The following KATNAL1 variants were observed in gnomAD, a reference collection of about 807,000 sequenced individuals.
KATNAL1 encodes katanin p60 ATPase-containing subunit A-like 1.
KATNAL1 carries 32 observed loss-of-function variants against 55.2 expected under a neutral mutation model. The observed-to-expected ratio is 0.58, with a 90% CI of 0.44 to 0.78. The LOEUF is 0.78. Among genes scored for constraint, KATNAL1 ranks in the 30% least tolerant of loss-of-function variants. The probability of loss-of-function intolerance (pLI) is 0.00; values close to 1 mark genes in which losing one functional copy is unlikely to be tolerated. For missense variants in KATNAL1, 466 were observed against 600.9 expected (o/e 0.78, Z 2.35); for synonymous variants, 193 against 193.6 (o/e 1.00, Z 0.02).
At chr13:30,250,830 C>A (rs948080624) in intron 4 of KATNAL1, among the ~76,000 whole-genome samples, 1 of 152,090 alleles carries the variant, frequency 6.6e-6, no homozygotes, top group Non-Finnish European at 1.5e-5. Context: ...GTTAATTAAC[C>A]ATAAAACTAT....
intron 9 of KATNAL1, among the ~76,000 whole-genome samples, chr13:30,221,973 C>T (rs944502256): frequency 4.6e-5 from 7 of 152,170 alleles, no homozygotes; most frequent in South Asian, 2.1e-4. Flanking sequence ...ATCCCTTGAA[C>T]CCAGGAGGCG....
At chr13:30,274,097 AT>A (rs1245522924) in intron 3 of KATNAL1, among the ~76,000 whole-genome samples, 2 of 152,292 alleles carry the variant, frequency 1.3e-5, no homozygotes, top group Admixed American at 1.3e-4. Flanking sequence ...TTCAATATAC[AT>A]TTTACAGAAA....
At chr13:30,210,270 G>A (rs368277485) in intron 10 of KATNAL1, 46 bp downstream of exon 10, 25 of 1,502,536 alleles carry the variant, frequency 1.7e-5, no homozygotes, top group East Asian at 2.5e-5. Flanking sequence ...GTCCTCCTGC[G>A]AAGTCTATAA....
intron 6 of KATNAL1, among the ~76,000 whole-genome samples, chr13:30,238,877 G>T (rs1039536074): frequency 6.6e-6 from 1 of 152,090 alleles, no homozygotes; most frequent in Admixed American, 6.5e-5. Flanking sequence ...AAAGTGTGCC[G>T]CAGAAAGGCA....
intron 3 of KATNAL1, among the ~76,000 whole-genome samples, chr13:30,261,398 G>A (rs1472887140): frequency 2.0e-5 from 3 of 152,054 alleles, no homozygotes; most frequent in Non-Finnish European, 4.4e-5. Flanking sequence ...TGGACTAAAT[G>A]CTCCAGTTAA....
chr13:30,283,085 T>C (rs1194227198), intron 2 of KATNAL1, among the ~76,000 whole-genome samples: 1 of 150,966 alleles, frequency 6.6e-6, no homozygotes, highest in Non-Finnish European at 1.5e-5. Flanking sequence ...CTGGCCAACA[T>C]GGTGAAACCC....
chr13:30,262,055 T>C (rs1879338179), intron 3 of KATNAL1, among the ~76,000 whole-genome samples: 1 of 151,948 alleles, frequency 6.6e-6, no homozygotes, highest in South Asian at 2.1e-4. Context: ...GAACTCAGGA[T>C]TAAGAATCTC....
At chr13:30,222,998 G>C (rs1041144208) in intron 9 of KATNAL1, among the ~76,000 whole-genome samples, 1 of 151,678 alleles carries the variant, frequency 6.6e-6, no homozygotes, top group African/African-American at 2.4e-5. Flanking sequence ...AGGAGGCTGA[G>C]GCAGCAGAAT....
At chr13:30,269,275 G>A (rs973013990) in intron 3 of KATNAL1, among the ~76,000 whole-genome samples, 6 of 152,242 alleles carry the variant, frequency 3.9e-5, no homozygotes, top group Admixed American at 6.5e-5. Flanking sequence ...GTGGAGACGG[G>A]GTTTCGCTGT....
chr13:30,235,987 A>C (rs1229467921), intron 6 of KATNAL1, among the ~76,000 whole-genome samples: 7 of 152,204 alleles, frequency 4.6e-5, no homozygotes, highest in Admixed American at 2.0e-4. Flanking sequence ...TTATTAAGAA[A>C]ATTATGAGAA....
chr13:30,258,376 G>A (rs137973596), intron 3 of KATNAL1, among the ~76,000 whole-genome samples: 237 of 152,192 alleles, frequency 1.6e-3, no homozygotes, highest in African/African-American at 5.2e-3. Context: ...GTCTAGATAC[G>A]AGTCCTATGT....
intron 3 of KATNAL1, among the ~76,000 whole-genome samples, chr13:30,258,316 A>T (rs918321915): frequency 6.6e-6 from 1 of 152,342 alleles, no homozygotes; most frequent in African/African-American, 2.4e-5. Flanking sequence ...TTTCAAAGCT[A>T]TATTAAATAT....
At chr13:30,253,490 C>T (rs1203341386) in intron 4 of KATNAL1, among the ~76,000 whole-genome samples, 3 of 151,716 alleles carry the variant, frequency 2.0e-5, no homozygotes, top group East Asian at 1.9e-4. Context: ...GGTGAAACAA[C>T]GCCTCCACTA....
chr13:30,241,535 A>G (rs750794224), intron 4 of KATNAL1, among the ~76,000 whole-genome samples: 3 of 152,200 alleles, frequency 2.0e-5, no homozygotes, highest in African/African-American at 4.8e-5. Flanking sequence ...ATTTTATGCT[A>G]TGGTTTCTAT....
At chr13:30,277,817 A>T (rs1229091302) in intron 3 of KATNAL1, among the ~76,000 whole-genome samples, 1 of 151,290 alleles carries the variant, frequency 6.6e-6, no homozygotes, top group Non-Finnish European at 1.5e-5. Flanking sequence ...CCCCGTCTCT[A>T]CTAAAAATAC....
intron 4 of KATNAL1, 73 bp from the exon 5 acceptor site, chr13:30,241,159 C>G (rs1877241512): frequency 8.0e-7 from 1 of 1,243,748 alleles, no homozygotes; most frequent in African/African-American, 1.5e-5. Flanking sequence ...GCTTTGAAAA[C>G]ATTATAATGC....
intron 4 of KATNAL1, among the ~76,000 whole-genome samples, chr13:30,241,824 A>G (rs1877309021): frequency 6.6e-6 from 1 of 152,204 alleles, no homozygotes; most frequent in African/African-American, 2.4e-5. Context: ...TGCTGGAGGA[A>G]ACTAAATGGC....
chr13:30,230,682 G>T, intron 7 of KATNAL1, 88 bp from the exon 8 acceptor site: 1 of 979,252 alleles, frequency 1.0e-6, no homozygotes, highest in Non-Finnish European at 1.5e-6. Context: ...AATGGCAAAA[G>T]AGAGCAGAAA....
chr13:30,229,565 A>C (rs1055794450), intron 8 of KATNAL1, among the ~76,000 whole-genome samples: 4 of 152,086 alleles, frequency 2.6e-5, no homozygotes, highest in African/African-American at 9.7e-5. Flanking sequence ...ACAAAAAATA[A>C]AACTTAGCCA....
Sources: gnomAD v4.1 joint callset for allele counts (sites outside exome capture counted in the v4.1 genomes callset) on GRCh38, gnomAD v4.1.1 for gene constraint, MANE v1.5 for transcripts, NCBI Gene and HGNC (gene_info 2026-07-23, HGNC 2026-07-21) for gene names.